Variants in KCNH7 observed in about 807,000 individuals in gnomAD.
KCNH7 encodes voltage-gated inwardly rectifying potassium channel KCNH7.
A neutral mutation model predicts 120.8 loss-of-function variants in KCNH7; 49 were observed. That is an observed-to-expected ratio of 0.41 (90% CI 0.32 to 0.51). The LOEUF (loss-of-function observed/expected upper bound fraction) is 0.51, where lower values mean the gene tolerates loss of function less well. KCNH7 is among the 20% of genes least tolerant of loss of function. The pLI, the probability that KCNH7 is intolerant of heterozygous loss-of-function variation, is 0.38. For missense variants in KCNH7, 1,097 were observed against 1,446.6 expected (o/e 0.76, Z 3.92); for synonymous variants, 547 against 516.1 (o/e 1.06, Z -0.81).
chr2:162,711,453 A>C (rs898758444), intron 2 of KCNH7, among the ~76,000 whole-genome samples: 2 of 152,242 alleles, frequency 1.3e-5, no homozygotes, highest in Admixed American at 6.5e-5. Flanking sequence ...TACATTTGAA[A>C]GACTTCTGCA....
At chr2:162,640,442 GGAA>G (rs1223432049) in intron 2 of KCNH7, among the ~76,000 whole-genome samples, 2 of 151,730 alleles carry the variant, frequency 1.3e-5, no homozygotes, top group African/African-American at 4.8e-5. Context: ...ATGATTCAGT[GGAA>G]GAAGGATACC....
At chr2:162,765,522 G>T (rs1682762660) in intron 2 of KCNH7, among the ~76,000 whole-genome samples, 1 of 152,034 alleles carries the variant, frequency 6.6e-6, no homozygotes, top group Admixed American at 6.6e-5. Context: ...GGGACTAGAG[G>T]TGCATATGTC....
At chr2:162,498,779 T>C (rs1390290913) in intron 6 of KCNH7, among the ~76,000 whole-genome samples, 4 of 152,046 alleles carry the variant, frequency 2.6e-5, no homozygotes, top group Admixed American at 2.0e-4. Flanking sequence ...GAGCATTAGG[T>C]GAGACAGGAG....
chr2:162,787,069 C>T (rs1187119601), intron 2 of KCNH7, among the ~76,000 whole-genome samples: 3 of 152,172 alleles, frequency 2.0e-5, no homozygotes, highest in African/African-American at 7.2e-5. Context: ...ATAGTGAACC[C>T]CAGTATCAGG....
chr2:162,835,521 G>T (rs1685631756), intron 2 of KCNH7, among the ~76,000 whole-genome samples: 2 of 149,760 alleles, frequency 1.3e-5, no homozygotes, highest in African/African-American at 4.9e-5. Flanking sequence ...AAAAGAAATA[G>T]ATGATGATGA....
At chr2:162,654,252 G>A (rs934035783) in intron 2 of KCNH7, among the ~76,000 whole-genome samples, 7 of 151,820 alleles carry the variant, frequency 4.6e-5, no homozygotes, top group Non-Finnish European at 1.5e-5. Flanking sequence ...CATTTGATAT[G>A]TGTTTAATAT....
chr2:162,500,996 G>A (rs1263038768), intron 6 of KCNH7, among the ~76,000 whole-genome samples: 1 of 152,080 alleles, frequency 6.6e-6, no homozygotes, highest in Admixed American at 6.6e-5. Flanking sequence ...ATGAGTTATT[G>A]AAGAGCTCTG....
intron 2 of KCNH7, among the ~76,000 whole-genome samples, chr2:162,799,641 C>T: frequency 6.6e-6 from 1 of 151,892 alleles, no homozygotes. Context: ...TGATCAAGCT[C>T]CCCTCCACAC....
At chr2:162,698,168 C>T (rs1294355868) in intron 2 of KCNH7, among the ~76,000 whole-genome samples, 2 of 152,172 alleles carry the variant, frequency 1.3e-5, no homozygotes, top group Admixed American at 1.3e-4. Flanking sequence ...ATCCATAAAA[C>T]ATTTAATTTT....
At chr2:162,828,411 G>A (rs1452602580) in intron 2 of KCNH7, among the ~76,000 whole-genome samples, 2 of 152,086 alleles carry the variant, frequency 1.3e-5, no homozygotes, top group Non-Finnish European at 2.9e-5. Flanking sequence ...TAAGAAGAGT[G>A]TTTTGAGGCT....
At chr2:162,677,047 T>C (rs1160462462) in intron 2 of KCNH7, among the ~76,000 whole-genome samples, 3 of 151,540 alleles carry the variant, frequency 2.0e-5, no homozygotes, top group African/African-American at 4.8e-5. Flanking sequence ...CCTTAACTTG[T>C]GTAATTGTTT....
At chr2:162,760,816 A>T (rs1225013629) in intron 2 of KCNH7, among the ~76,000 whole-genome samples, 3 of 152,116 alleles carry the variant, frequency 2.0e-5, no homozygotes, top group African/African-American at 7.2e-5. Flanking sequence ...ATACTTAAAT[A>T]TGGTCTTTTG....
At chr2:162,576,879 C>T (rs1693687359) in intron 2 of KCNH7, among the ~76,000 whole-genome samples, 1 of 151,952 alleles carries the variant, frequency 6.6e-6, no homozygotes, top group African/African-American at 2.4e-5. Flanking sequence ...ATTATAAACT[C>T]TTCCTGCAAT....
chr2:162,542,161 T>G (rs932910420), intron 2 of KCNH7, among the ~76,000 whole-genome samples: 1 of 147,480 alleles, frequency 6.8e-6, no homozygotes, highest in African/African-American at 2.5e-5. Context: ...ATATCTCTCT[T>G]TTTTTTTTTA....
intron 2 of KCNH7, among the ~76,000 whole-genome samples, chr2:162,652,809 A>G (rs1684613769): frequency 6.6e-6 from 1 of 152,246 alleles, no homozygotes; most frequent in Non-Finnish European, 1.5e-5. Flanking sequence ...CATAACAAAT[A>G]TTTATAAAAA....
At chr2:162,821,121 A>T (rs1218281871) in intron 2 of KCNH7, among the ~76,000 whole-genome samples, 1 of 152,182 alleles carries the variant, frequency 6.6e-6, no homozygotes, top group African/African-American at 2.4e-5. Context: ...GAAAGAAAAA[A>T]ATGGTTCTAC....
At position 162,708,477 on chromosome 2, in the gene KCNH7, T is replaced by C. The variant is rs148672914; in HGVS notation, c.307+128060A>G. 6.7e-3 allele frequency among the ~76,000 whole-genome samples: 1,017 copies of C among 152,210 alleles called. 17 individuals are homozygous for C. The highest frequency in any genetic ancestry group is 0.023 in the African/African-American group (962 of 41,540). On this transcript the variant is annotated intron_variant, in intron 2 of 15. Transcript: ENST00000332142. ...TAAGTAGAGCAATTAGTTTCCTCTC[T>C]AGGGGAACACCTCATCTTTTAATAC...
At chr2:162,722,805 C>CTTTTTTTTT (rs370399268) in intron 2 of KCNH7, among the ~76,000 whole-genome samples, 2 of 79,878 alleles carry the variant, frequency 2.5e-5, no homozygotes, top group African/African-American at 7.6e-5. Flanking sequence ...TTCATTCATT[C>CTTTTTTTTT]TTTTTTTCTT....
intron 14 of KCNH7, among the ~76,000 whole-genome samples, chr2:162,374,713 C>CT (rs111341300): frequency 4.5e-4 from 67 of 148,740 alleles, no homozygotes; most frequent in African/African-American, 8.8e-4. Context: ...AAAATATCTT[C>CT]TTTTTTTTTT....
Sources: allele counts gnomAD v4.1 joint callset (sites outside exome capture counted in the v4.1 genomes callset), GRCh38; gene constraint gnomAD v4.1.1; transcripts MANE v1.5; gene names NCBI Gene and HGNC (gene_info 2026-07-23, HGNC 2026-07-21).